The following EYS variants were observed in gnomAD, a reference collection of about 807,000 sequenced individuals.
EYS encodes the protein protein eyes shut homolog.
Under a neutral mutation model 282.1 loss-of-function variants are expected in EYS, and 250 were observed. That is an observed-to-expected ratio of 0.89 (90% confidence interval 0.80 to 0.98). The LOEUF is 0.98. Among genes scored for constraint, EYS ranks in the 50% least tolerant of loss-of-function variants. The pLI, the probability that EYS is intolerant of heterozygous loss-of-function variation, is 0.00. For synonymous variants in EYS, 1,355 were observed against 1,282.9 expected, an observed-to-expected ratio of 1.06 and a Z score of -1.20; for missense variants, 4,016 against 3,709.0, an observed-to-expected ratio of 1.08 and a Z score of -2.15.
At chr6:65,271,364 G>A (rs1190608939) in intron 12 of EYS, among the ~76,000 whole-genome samples, 1 of 150,992 alleles carries the variant, frequency 6.6e-6, no homozygotes, top group Non-Finnish European at 1.5e-5. Flanking sequence ...CACACAGTAG[G>A]GAAGAGGGCA....
intron 30 of EYS, among the ~76,000 whole-genome samples, chr6:64,242,845 T>C (rs1766876951): frequency 6.8e-6 from 1 of 147,052 alleles, no homozygotes; most frequent in African/African-American, 2.5e-5. Context: ...TATAAATATA[T>C]AAAAATTATA....
chr6:65,064,530 T>C (rs1425261037), intron 12 of EYS, among the ~76,000 whole-genome samples: 1 of 144,724 alleles, frequency 6.9e-6, no homozygotes, highest in African/African-American at 2.5e-5. Context: ...TATATACTAA[T>C]ATACTCTGCT....
rs541500277 is a variant in EYS at position 65,167,498 on chromosome 6, A to G, written c.2024-109771T>C. ...TTATGTCTAAAAATACTTTTAAATT[A>G]AAGATCACTTTCTCTTTGGTTTTCT... On this transcript the variant is annotated intron_variant, in intron 12 of 42. Coordinates refer to ENST00000503581, the MANE Select transcript of EYS (RefSeq NM_001142800.2). Among the ~76,000 whole-genome samples, 3 of 151,402 alleles carry G rather than the reference A, an allele frequency of 2.0e-5. No individual in the cohort carries two copies. The East Asian group carries it at 5.9e-4, about 30-fold the overall frequency.
chr6:64,263,523 C>T (rs1767656581), intron 30 of EYS, among the ~76,000 whole-genome samples: 1 of 152,082 alleles, frequency 6.6e-6, no homozygotes, highest in Non-Finnish European at 1.5e-5. Context: ...CAGTAAACTA[C>T]ATTTTAGAGG....
intron 26 of EYS, among the ~76,000 whole-genome samples, chr6:64,457,449 T>C (rs1387878347): frequency 6.6e-6 from 1 of 152,030 alleles, no homozygotes; most frequent in Non-Finnish European, 1.5e-5. Context: ...TGTTCATTGC[T>C]AAAAGTGAGG....
chr6:63,815,335 A>C (rs779300989), intron 36 of EYS, among the ~76,000 whole-genome samples: 6 of 152,170 alleles, frequency 3.9e-5, no homozygotes, highest in Non-Finnish European at 8.8e-5. Context: ...TGACAGGGTC[A>C]AGATCTGAAC....
At chr6:63,937,351 T>C (rs1409298666) in intron 35 of EYS, among the ~76,000 whole-genome samples, 8 of 24,268 alleles carry the variant, frequency 3.3e-4, no homozygotes, top group African/African-American at 1.4e-3. Flanking sequence ...TTTTCTTTTT[T>C]TTTTTTTTTT....
chr6:63,972,217 G>T (rs1766609249), intron 35 of EYS, among the ~76,000 whole-genome samples: 1 of 152,162 alleles, frequency 6.6e-6, no homozygotes, highest in Non-Finnish European at 1.5e-5. Context: ...CCAAGAGGGA[G>T]AAAGGAACAT....
chr6:63,962,183 C>T (rs143208588), intron 35 of EYS, among the ~76,000 whole-genome samples: 40 of 152,274 alleles, frequency 2.6e-4, no homozygotes, highest in African/African-American at 9.4e-4. Context: ...CAATACCACT[C>T]AGGACATAGG....
At chr6:64,714,875 C>G (rs1352989122) in intron 22 of EYS, among the ~76,000 whole-genome samples, 1 of 152,092 alleles carries the variant, frequency 6.6e-6, no homozygotes, top group East Asian at 1.9e-4. Flanking sequence ...TGAGACCACC[C>G]CCTCTACCAG....
At chr6:65,160,115 TTTTG>T (rs899843242) in intron 12 of EYS, among the ~76,000 whole-genome samples, 3 of 150,978 alleles carry the variant, frequency 2.0e-5, no homozygotes, top group Non-Finnish European at 4.5e-5. Context: ...ACAGCGTTTT[TTTTG>T]TTTGTTTTCT....
At position 64,553,549 on chromosome 6, in the gene EYS, C is replaced by CCCA. The variant is rs201937283; in HGVS notation, c.5644+36673_5644+36674insTGG. ...AACATCTGTGACTTTTGTTTGACCC[C>CCCA]CCCCCCCCCATAGGCAGTTACAAGG... On this transcript the variant is annotated intron_variant, in intron 26 of 42. Transcript: ENST00000503581. 8.2e-4 allele frequency among the ~76,000 whole-genome samples: 97 copies of CCCA among 118,432 alleles called. 8 individuals carry two copies. The highest frequency in any genetic ancestry group is 1.3e-3 in the Non-Finnish European group (76 of 57,904). The allele number at this position is 118,432 out of a possible 152,430, so 77.7% of individuals were successfully genotyped here.
At chr6:64,532,426 T>G (rs929938234) in intron 26 of EYS, among the ~76,000 whole-genome samples, 5 of 152,142 alleles carry the variant, frequency 3.3e-5, no homozygotes, top group Non-Finnish European at 5.9e-5. Context: ...TAAAATATTC[T>G]AGGCCGGGCG....
At chr6:65,606,924 G>C (rs564752162) in intron 2 of EYS, among the ~76,000 whole-genome samples, 87 of 151,196 alleles carry the variant, frequency 5.8e-4, no homozygotes, top group African/African-American at 1.8e-3. Context: ...TTATTTTAAT[G>C]AATGAAGAAA....
chr6:65,529,122 T>G (rs1440590045), intron 2 of EYS, among the ~76,000 whole-genome samples: 1 of 152,010 alleles, frequency 6.6e-6, no homozygotes, highest in Non-Finnish European at 1.5e-5. Context: ...GATTTCCTCT[T>G]GGGGGCTTGC....
At chr6:65,479,312 AT>A (rs1254823160) in intron 5 of EYS, among the ~76,000 whole-genome samples, 2 of 152,212 alleles carry the variant, frequency 1.3e-5, no homozygotes, top group Non-Finnish European at 2.9e-5. Context: ...TTCTGGTAGA[AT>A]TTTTAAAATA....
intron 22 of EYS, among the ~76,000 whole-genome samples, chr6:64,708,894 A>G (rs946834523): frequency 3.3e-5 from 5 of 152,284 alleles, no homozygotes; most frequent in East Asian, 3.9e-4. Context: ...AACTTTAGCA[A>G]TCTAACATGC....
At chr6:64,396,467 T>C (rs1160370768) in intron 28 of EYS, among the ~76,000 whole-genome samples, 2 of 152,136 alleles carry the variant, frequency 1.3e-5, no homozygotes, top group African/African-American at 4.8e-5. Flanking sequence ...TTCATCTTAA[T>C]TTATACCAAT....
chr6:64,861,913 G>T (rs1007150761), intron 19 of EYS, among the ~76,000 whole-genome samples: 1 of 151,966 alleles, frequency 6.6e-6, no homozygotes, highest in Non-Finnish European at 1.5e-5. Context: ...CTTTCTTTAC[G>T]TAGATTTCAA....
Sources: gnomAD v4.1 joint callset for allele counts (sites outside exome capture counted in the v4.1 genomes callset) on GRCh38, gnomAD v4.1.1 for gene constraint, MANE v1.5 for transcripts, NCBI Gene and HGNC (gene_info 2026-07-23, HGNC 2026-07-21) for gene names.